Variants in ARID1B observed in about 807,000 individuals in gnomAD.
The protein encoded by ARID1B is AT-rich interactive domain-containing protein 1B.
In ARID1B, 30 loss-of-function variants were observed where a neutral mutation model predicts 212.3. The observed-to-expected ratio is 0.14, with a 90% CI of 0.11 to 0.19. The LOEUF (loss-of-function observed/expected upper bound fraction) is 0.19. Ranked by LOEUF, ARID1B falls within the 10% of genes least tolerant of loss-of-function variation. The pLI is 1.00. For missense variants in ARID1B, 2,891 were observed against 3,204.0 expected, an observed-to-expected ratio of 0.90 and a Z score of 2.36; for synonymous variants, 1,402 against 1,301.7, an observed-to-expected ratio of 1.08 and a Z score of -1.66.
intron 4 of ARID1B, among the ~76,000 whole-genome samples, chr6:156,974,560 C>G (rs1777113334): frequency 6.6e-6 from 1 of 152,166 alleles, no homozygotes; most frequent in Non-Finnish European, 1.5e-5. Context: ...TACTCTCTGA[C>G]ATCTTCTTCA....
chr6:156,876,373 C>T (rs549143613), intron 2 of ARID1B, among the ~76,000 whole-genome samples: 107 of 152,228 alleles, frequency 7.0e-4, no homozygotes, highest in Admixed American at 1.9e-3. Flanking sequence ...ACTTGGGCCT[C>T]GATATCTGTG....
chr6:157,195,029 A>G (rs1292448727), intron 15 of ARID1B: 1 of 152,246 alleles, frequency 6.6e-6, no homozygotes, highest in East Asian at 1.9e-4. Context: ...AAAAATGTTG[A>G]AAAGAAATGA....
At chr6:157,187,551 G>A (rs575005529) in intron 13 of ARID1B, among the ~76,000 whole-genome samples, 7 of 152,264 alleles carry the variant, frequency 4.6e-5, no homozygotes, top group East Asian at 3.9e-4. Flanking sequence ...GGTTCGTGCC[G>A]GGTAAATTAT....
intron 1 of ARID1B, among the ~76,000 whole-genome samples, chr6:156,785,787 T>G (rs1376757188): frequency 3.3e-5 from 5 of 152,248 alleles, no homozygotes; most frequent in Admixed American, 1.3e-4. Context: ...CTTCATAGTT[T>G]GTGAGTAAAT....
At chr6:156,853,605 T>C (rs1437796314) in intron 2 of ARID1B, among the ~76,000 whole-genome samples, 1 of 152,176 alleles carries the variant, frequency 6.6e-6, no homozygotes, top group Non-Finnish European at 1.5e-5. Context: ...TCTTGTTCTC[T>C]GTGGTCTCAC....
intron 1 of ARID1B, among the ~76,000 whole-genome samples, chr6:156,813,949 C>T (rs1781789506): frequency 6.6e-6 from 1 of 152,176 alleles, no homozygotes; most frequent in African/African-American, 2.4e-5. Flanking sequence ...CAGACCCTGC[C>T]TTCATGCTCC....
chr6:157,091,330 C>T (rs117497469), intron 5 of ARID1B, among the ~76,000 whole-genome samples: 1 of 152,162 alleles, frequency 6.6e-6, no homozygotes, highest in Non-Finnish European at 1.5e-5. Flanking sequence ...TGTTTGGCAG[C>T]ACTGGGGTGT....
chr6:157,103,379 G>A (rs372692707), intron 5 of ARID1B, among the ~76,000 whole-genome samples: 1 of 152,158 alleles, frequency 6.6e-6, no homozygotes. Context: ...TTGAGACAAT[G>A]AACGGAATTA....
intron 4 of ARID1B, among the ~76,000 whole-genome samples, chr6:157,075,904 G>T (rs576967829): frequency 2.0e-5 from 3 of 152,288 alleles, no homozygotes; most frequent in Admixed American, 6.5e-5. Context: ...AAGGAGACAC[G>T]GCGAGTCATT....
At position 157,207,360 on chromosome 6, in the gene ARID1B, C is replaced by G; in HGVS notation, c.6588C>G (p.Asn2196Lys). 6.2e-7 allele frequency: 1 copy of G among 1,614,206 alleles called. No homozygotes were observed. Among genetic ancestry groups the G allele is most frequent in the Non-Finnish European group, 8.5e-7 (1 of 1,180,048 alleles). ...AQDPFPTVGPNSVLSPQRLVL... is the reference protein window; with the variant it reads ...AQDPFPTVGPKSVLSPQRLVL... ...ATCCCTTTCCAACTGTGGGACCCAA[C>G]TCGGTCCTGTCGCCTCAGAGACTTG... The change falls in exon 20 of 20, where the codon AAC (asparagine) becomes AAG (lysine). Residue 2196 changes from asparagine (N) to lysine (K), a missense_variant. Asn to Lys is a moderately conservative substitution (Grantham distance 94, BLOSUM62 0). Transcript: ENST00000636930. This position sits in a 1 kb window ranked among gnomAD's most constrained non-coding sequence, Gnocchi z 8.5.
intron 4 of ARID1B, among the ~76,000 whole-genome samples, chr6:156,989,027 C>CT (rs1778108948): frequency 6.6e-6 from 1 of 152,196 alleles, no homozygotes; most frequent in Non-Finnish European, 1.5e-5. Flanking sequence ...CTACCATACT[C>CT]TATTGACTTT....
intron 4 of ARID1B, among the ~76,000 whole-genome samples, chr6:157,006,693 T>G (rs540411504): frequency 2.0e-5 from 3 of 152,322 alleles, no homozygotes; most frequent in African/African-American, 7.2e-5. Context: ...CAGAGCAGTA[T>G]GTAGTGTTTT....
intron 4 of ARID1B, among the ~76,000 whole-genome samples, chr6:156,966,390 T>TC (rs1212115905): frequency 1.3e-3 from 169 of 131,846 alleles, no homozygotes; most frequent in Non-Finnish European, 1.8e-3. Flanking sequence ...TCTTTTCTTT[T>TC]TTTTTTTTTT....
chr6:156,966,065 GT>G (rs1184849986), intron 4 of ARID1B, among the ~76,000 whole-genome samples: 1 of 152,188 alleles, frequency 6.6e-6, no homozygotes, highest in East Asian at 1.9e-4. Context: ...TATGTAGGAT[GT>G]TTTGCCTATT....
At chr6:156,866,195 C>T (rs534671747) in intron 2 of ARID1B, among the ~76,000 whole-genome samples, 4 of 152,266 alleles carry the variant, frequency 2.6e-5, no homozygotes, top group Non-Finnish European at 5.9e-5. Flanking sequence ...CTGGGGGATT[C>T]TGTGGATACT....
intron 8 of ARID1B, among the ~76,000 whole-genome samples, chr6:157,160,670 G>T (rs1387716676): frequency 1.3e-5 from 2 of 152,132 alleles, no homozygotes; most frequent in African/African-American, 4.8e-5. Context: ...TTTCTCTTAG[G>T]ATAAAGACCA....
intron 4 of ARID1B, chr6:156,984,974 G>A (rs771312980): frequency 6.6e-5 from 10 of 152,206 alleles, no homozygotes; most frequent in Non-Finnish European, 8.8e-5. Flanking sequence ...GATTACAAGT[G>A]AGAGCCACTG....
At chr6:157,078,503 A>G (rs895580155) in intron 4 of ARID1B, among the ~76,000 whole-genome samples, 11 of 152,162 alleles carry the variant, frequency 7.2e-5, no homozygotes, top group Non-Finnish European at 1.5e-4. Flanking sequence ...ATAGTTGAAG[A>G]GTGGAGAATC....
chr6:157,009,317 A>G, intron 4 of ARID1B, among the ~76,000 whole-genome samples: 1 of 152,216 alleles, frequency 6.6e-6, no homozygotes. Context: ...TTTTGAGCAG[A>G]GAAGTGATAC....
Sources: allele counts gnomAD v4.1 joint callset (sites outside exome capture counted in the v4.1 genomes callset), GRCh38; gene constraint gnomAD v4.1.1; non-coding constraint Gnocchi (gnomAD v3.1); transcripts MANE v1.5; gene names NCBI Gene and HGNC (gene_info 2026-07-23, HGNC 2026-07-21).